Variants in FAT3 observed in about 807,000 individuals in gnomAD.
FAT3 encodes the protein protocadherin Fat 3.
FAT3 carries 95 observed loss-of-function variants against 310.2 expected under a neutral mutation model. That is an observed-to-expected ratio of 0.31 (90% CI 0.26 to 0.36). FAT3 has a LOEUF of 0.36. Among genes scored for constraint, FAT3 ranks in the 10% least tolerant of loss-of-function variants. The probability of loss-of-function intolerance (pLI) is 1.00; values close to 1 mark genes in which losing one functional copy is unlikely to be tolerated. For missense variants in FAT3, 5,408 were observed against 5,715.6 expected (o/e 0.95, Z 1.74); for synonymous variants, 2,314 against 2,192.9 (o/e 1.06, Z -1.54).
rs1190894276 is a variant in FAT3 at position 92,753,482 on chromosome 11, C to T, written c.3670-8374C>T. On this transcript the variant is annotated intron_variant, in intron 4 of 27. Transcript: ENST00000525166. ...TTCTGTATAGCTACAACAAGTAAAA[C>T]TAGTCTATAGGAAGCTCCAAGCACT... 1.3e-5 allele frequency among the ~76,000 whole-genome samples: 2 copies of T among 152,120 alleles called. 1 individual carries two copies. Among genetic ancestry groups the T allele is most frequent in the Non-Finnish European group, 2.9e-5 (2 of 68,028 alleles).
intron 3 of FAT3, among the ~76,000 whole-genome samples, chr11:92,536,896 G>C (rs1207234089): frequency 6.6e-6 from 1 of 152,084 alleles, no homozygotes; most frequent in Non-Finnish European, 1.5e-5. Context: ...TGACACCTTG[G>C]AAAGTTCACT....
At chr11:92,241,050 T>G (rs1864653413) in intron 1 of FAT3, among the ~76,000 whole-genome samples, 3 of 152,060 alleles carry the variant, frequency 2.0e-5, no homozygotes, top group African/African-American at 7.2e-5. Context: ...AGTTTCAGAC[T>G]TAATGCCTTT....
At chr11:92,614,798 A>G (rs953747583) in intron 3 of FAT3, among the ~76,000 whole-genome samples, 4 of 152,226 alleles carry the variant, frequency 2.6e-5, no homozygotes, top group African/African-American at 9.6e-5. Flanking sequence ...ACTCAAGGTC[A>G]CAAAGATTTA....
chr11:92,601,227 A>C (rs1480324604), intron 3 of FAT3, among the ~76,000 whole-genome samples: 1 of 151,918 alleles, frequency 6.6e-6, no homozygotes, highest in Non-Finnish European at 1.5e-5. Flanking sequence ...TGAGAGTAAA[A>C]ACAGGCAAAA....
chr11:92,669,320 G>C (rs1338967375), intron 3 of FAT3, among the ~76,000 whole-genome samples: 1 of 152,164 alleles, frequency 6.6e-6, no homozygotes, highest in African/African-American at 2.4e-5. Flanking sequence ...AATGCATGTA[G>C]AGTGATGACT....
chr11:92,260,258 G>A (rs776393986), intron 1 of FAT3, among the ~76,000 whole-genome samples: 6 of 152,024 alleles, frequency 3.9e-5, no homozygotes, highest in African/African-American at 9.7e-5. Context: ...GTGTACAAGC[G>A]TGTGTGTGTT....
At chr11:92,841,694 A>G (rs897991854) in intron 18 of FAT3, among the ~76,000 whole-genome samples, 2 of 152,228 alleles carry the variant, frequency 1.3e-5, no homozygotes, top group Non-Finnish European at 2.9e-5. Context: ...CTCTCCGGAT[A>G]TGGAGCAGAT....
intron 3 of FAT3, among the ~76,000 whole-genome samples, chr11:92,590,074 A>C (rs1470981776): frequency 2.0e-5 from 3 of 152,100 alleles, no homozygotes; most frequent in Non-Finnish European, 4.4e-5. Context: ...CATTCCAATA[A>C]GTTTTCTCCA....
In FAT3 at chr11:92,791,192, T is replaced by C. The variant is rs1199115426; in HGVS notation, c.4611+974T>C. Among the ~76,000 whole-genome samples the C allele has an allele frequency of 2.0e-5, 3 of 152,202 alleles. No individual in the cohort carries two copies. In the East Asian group the frequency reaches 5.8e-4, roughly 29 times the overall value. ...CTTATAGAGGTCTTCCAGTCATCACTATGGCCCTTCATTCATTCATTTAAC... is the reference window on the plus strand; with the variant it reads ...CTTATAGAGGTCTTCCAGTCATCACCATGGCCCTTCATTCATTCATTTAAC... On this transcript the variant is annotated intron_variant, in intron 8 of 27. Coordinates refer to ENST00000525166, the MANE Select transcript of FAT3 (RefSeq NM_001367949.2).
At chr11:92,435,468 ATCCTTCCTTCCTTCCTTCCT>A (rs371109407) in intron 2 of FAT3, among the ~76,000 whole-genome samples, 5,842 of 108,034 alleles carry the variant, frequency 0.054, 438 homozygotes, top group African/African-American at 0.16. Flanking sequence ...TCTTTTATTT[ATCCTTCCTTCCTTCCTTCCT>A]TCCTTCCTTC....
intron 3 of FAT3, among the ~76,000 whole-genome samples, chr11:92,677,084 G>A (rs2135844572): frequency 6.6e-6 from 1 of 152,332 alleles, no homozygotes; most frequent in Non-Finnish European, 1.5e-5. Flanking sequence ...TTACAGGCGA[G>A]ATACTGGGTC....
intron 1 of FAT3, among the ~76,000 whole-genome samples, chr11:92,340,735 G>A (rs1259736867): frequency 6.6e-6 from 1 of 152,162 alleles, no homozygotes; most frequent in Non-Finnish European, 1.5e-5. Flanking sequence ...AGTCCCATGT[G>A]GTGATTGAAG....
At position 92,883,101 on chromosome 11, in the gene FAT3, T is replaced by G. The variant is rs1316137640; in HGVS notation, c.12645T>G (p.Ser4215Arg). Reference protein sequence around the residue: ...NGIPFRNLRGSGDGRNVYQEV... With the variant: ...NGIPFRNLRGRGDGRNVYQEV... ...TCCCGTTCCGGAACCTGCGCGGCAGTGGGGACGGCCGCAACGTCTACCAGG... is the reference window on the plus strand; with the variant it reads ...TCCCGTTCCGGAACCTGCGCGGCAGGGGGGACGGCCGCAACGTCTACCAGG... Residue 4215 changes from serine (S) to arginine (R), a missense_variant, in exon 24 of 28, where the codon AGT (serine) becomes AGG (arginine). By Grantham distance (110) the Ser-to-Arg change is moderately radical. Coordinates refer to ENST00000525166, the MANE Select transcript of FAT3 (RefSeq NM_001367949.2). This position sits in a 1 kb window ranked among gnomAD's most constrained non-coding sequence, Gnocchi z 4.2. 1 of 1,613,764 alleles carries G rather than the reference T, an allele frequency of 6.2e-7. No individual in the cohort carries two copies. Among genetic ancestry groups the G allele is most frequent in the African/African-American group, 1.3e-5 (1 of 75,048 alleles).
chr11:92,568,931 C>T (rs148130225), intron 3 of FAT3, among the ~76,000 whole-genome samples: 2 of 152,266 alleles, frequency 1.3e-5, no homozygotes, highest in African/African-American at 2.4e-5. Flanking sequence ...TTACCTCTCT[C>T]TTCCCCTCAC....
At chr11:92,621,268 A>T (rs1591530494) in intron 3 of FAT3, among the ~76,000 whole-genome samples, 1 of 152,218 alleles carries the variant, frequency 6.6e-6, no homozygotes. Flanking sequence ...CAATGAATCA[A>T]GAGTATCCAA....
chr11:92,383,445 C>A (rs1410508557), intron 2 of FAT3, among the ~76,000 whole-genome samples: 8 of 152,182 alleles, frequency 5.3e-5, no homozygotes. Context: ...CTGTTCTAGC[C>A]CCTGAAATCA....
At chr11:92,481,897 C>T (rs977555193) in intron 2 of FAT3, among the ~76,000 whole-genome samples, 1 of 151,960 alleles carries the variant, frequency 6.6e-6, no homozygotes, top group Admixed American at 6.6e-5. Context: ...TAAAATGGAT[C>T]GATTTTTGTG....
chr11:92,764,215 C>T (rs1433744408), intron 5 of FAT3, among the ~76,000 whole-genome samples: 2 of 152,008 alleles, frequency 1.3e-5, no homozygotes, highest in Non-Finnish European at 2.9e-5. Context: ...TTCCCTTCCA[C>T]GCTGCCTCCA....
rs143537397 is a variant in FAT3 at position 92,245,440 on chromosome 11, T to C, written c.-18+20266T>C. Among the ~76,000 whole-genome samples the C allele has an allele frequency of 7.7e-3, 1,176 of 152,194 alleles. 18 individuals carry two copies. The highest frequency in any genetic ancestry group is 0.027 in the African/African-American group (1,105 of 41,522). On this transcript the variant is annotated intron_variant, in intron 1 of 27. Transcript: ENST00000525166. ...AACCACCATGGCACATGTATACCTA[T>C]GTAACAAACCTGCACATTCTGCATA... is the stretch of plus-strand genomic sequence containing the variant.
Sources: gnomAD v4.1 joint callset for allele counts (sites outside exome capture counted in the v4.1 genomes callset) on GRCh38, gnomAD v4.1.1 for gene constraint, Gnocchi (gnomAD v3.1) non-coding constraint, MANE v1.5 for transcripts, NCBI Gene and HGNC (gene_info 2026-07-23, HGNC 2026-07-21) for gene names.